Variants in RNF214 observed in about 807,000 individuals in gnomAD.
RNF214 encodes ring finger protein 214.
Under a neutral mutation model 75.9 loss-of-function variants are expected in RNF214, and 25 were observed. The ratio of observed to expected loss-of-function variants is 0.33; its 90% CI spans 0.24 to 0.46. RNF214 has a LOEUF of 0.46. Among genes scored for constraint, RNF214 ranks in the 20% least tolerant of loss-of-function variants. RNF214 has a pLI of 1.00. For missense variants in RNF214, 725 were observed against 857.5 expected, an observed-to-expected ratio of 0.85 and a Z score of 1.93; for synonymous variants, 314 against 308.8, an observed-to-expected ratio of 1.02 and a Z score of -0.18.
At position 117,281,713 on chromosome 11, in the gene RNF214, T is replaced by C. The variant is rs1457642096; in HGVS notation, c.1335+15T>C. 1 of 1,595,044 alleles carries C rather than the reference T, an allele frequency of 6.3e-7. No individual in the cohort carries two copies. Among genetic ancestry groups the C allele is most frequent in the East Asian group, 2.2e-5 (1 of 44,772 alleles). ...CCCCATCAGAGGTAAGAGAGTGGCT[T>C]TGGGGGGAAGTTCACCTTTCTGTGT... On this transcript the variant is annotated intron_variant, in intron 10 of 14. Transcript: ENST00000300650.
At chr11:117,245,919 G>C (rs1193986955) in intron 5 of RNF214, among the ~76,000 whole-genome samples, 1 of 152,120 alleles carries the variant, frequency 6.6e-6, no homozygotes, top group Admixed American at 6.6e-5. Flanking sequence ...ACTCTTATGG[G>C]TGGAAGTGGT....
At chr11:117,282,611 G>T in intron 12 of RNF214, 75 bp downstream of exon 12, 1 of 1,577,172 alleles carries the variant, frequency 6.3e-7, no homozygotes, top group Admixed American at 1.8e-5. Context: ...AAAAATGTGG[G>T]GTGGGAAGAA....
Position 117,285,122 on chromosome 11 carries a change from A to G in RNF214, c.2083A>G (p.Thr695Ala), listed in dbSNP as rs1330382178. 5 of 1,612,884 alleles carry G rather than the reference A, an allele frequency of 3.1e-6. No individual in the cohort carries two copies. Among genetic ancestry groups the G allele is most frequent in the Non-Finnish European group, 4.2e-6 (5 of 1,179,016 alleles). ...KFWAQTNTND[T>A]CPFCPTLK ...CTGGGCCCAGACCAACACAAATGAC[A>G]CTTGTCCCTTTTGTCCAACTCTTAA... Residue 695 changes from threonine (T) to alanine (A), a missense_variant, in exon 15 of 15, where the codon ACT (threonine) becomes GCT (alanine). By Grantham distance (58) the Thr-to-Ala change is moderately conservative (BLOSUM62 0). This residue lies in a region of RNF214 where 363 missense variants were observed against 513.0 expected (regional missense o/e 0.71). Transcript: ENST00000300650.
intron 6 of RNF214, among the ~76,000 whole-genome samples, chr11:117,258,589 C>G (rs2033583139): frequency 6.7e-6 from 1 of 149,112 alleles, no homozygotes; most frequent in African/African-American, 2.5e-5. Context: ...ATATACAAAT[C>G]TTTTTTTTTT....
chr11:117,261,827 G>A (rs1165503348), intron 6 of RNF214, among the ~76,000 whole-genome samples: 1 of 151,664 alleles, frequency 6.6e-6, no homozygotes, highest in Non-Finnish European at 1.5e-5. Flanking sequence ...TGTATTTTTA[G>A]TAGAGACGAG....
intron 3 of RNF214, 194 bp from the exon 4 acceptor site, chr11:117,239,607 T>C: frequency 1.7e-6 from 1 of 577,764 alleles, no homozygotes; most frequent in Non-Finnish European, 3.1e-6. Context: ...TTGGGTTATT[T>C]TGTGGGACCG....
rs1003824576 is a variant in RNF214 at position 117,282,615 on chromosome 11, G to A, written c.1845+79G>A. On this transcript the variant is annotated intron_variant, in intron 12 of 14. Coordinates refer to ENST00000300650, the MANE Select transcript of RNF214 (RefSeq NM_207343.4). Reference sequence around the variant, plus strand: ...GTAGATTTCAGAAAAATGTGGGGTGGGAAGAAGCATTCCAGTCAGAGGTAG... The same window carrying A: ...GTAGATTTCAGAAAAATGTGGGGTGAGAAGAAGCATTCCAGTCAGAGGTAG... 3 of 1,572,406 alleles carry A rather than the reference G, an allele frequency of 1.9e-6. No homozygotes were observed. The African/African-American group carries it at 4.0e-5, about 21-fold the overall frequency.
chr11:117,248,231 A>G (rs1189976335), intron 6 of RNF214, among the ~76,000 whole-genome samples: 1 of 152,002 alleles, frequency 6.6e-6, no homozygotes, highest in African/African-American at 2.4e-5. Flanking sequence ...GCCCGCCACC[A>G]TGCCTGGCTA....
At chr11:117,280,904 A>C (rs1391817407) in intron 8 of RNF214, among the ~76,000 whole-genome samples, 1 of 150,536 alleles carries the variant, frequency 6.6e-6, no homozygotes, top group Non-Finnish European at 1.5e-5. Context: ...CTTCTCCTGC[A>C]CCTGCTCCCA....
chr11:117,275,497 A>G (rs1278603415), intron 6 of RNF214, among the ~76,000 whole-genome samples: 1 of 152,230 alleles, frequency 6.6e-6, no homozygotes, highest in Non-Finnish European at 1.5e-5. Context: ...ATAATAGACC[A>G]TTAGGTAGAT....
chr11:117,259,644 C>T (rs1463881081), intron 6 of RNF214, among the ~76,000 whole-genome samples: 3 of 152,126 alleles, frequency 2.0e-5, no homozygotes, highest in Admixed American at 6.6e-5. Context: ...TGGTTTGAAT[C>T]ATTGTGGTTT....
intron 6 of RNF214, among the ~76,000 whole-genome samples, chr11:117,267,581 T>G (rs1480497686): frequency 1.3e-5 from 2 of 151,898 alleles, no homozygotes; most frequent in African/African-American, 2.4e-5. Flanking sequence ...AAAAGAAAAT[T>G]AGCCGAGAGT....
intron 7 of RNF214, 83 bp downstream of exon 7, chr11:117,280,087 C>T: frequency 6.8e-7 from 1 of 1,480,910 alleles, no homozygotes; most frequent in Non-Finnish European, 9.4e-7. Flanking sequence ...ATAGGAGAGC[C>T]AGTAAGCATT....
chr11:117,266,659 CA>C (rs1170700721), intron 6 of RNF214, among the ~76,000 whole-genome samples: 5 of 152,130 alleles, frequency 3.3e-5, no homozygotes, highest in African/African-American at 1.2e-4. Flanking sequence ...CACACCTGGC[CA>C]AATTTATGAA....
chr11:117,266,693 TA>T (rs1297272111), intron 6 of RNF214, among the ~76,000 whole-genome samples: 3 of 152,014 alleles, frequency 2.0e-5, no homozygotes, highest in Non-Finnish European at 2.9e-5. Context: ...AATTTTCAAA[TA>T]TTTTTTTCTG....
intron 6 of RNF214, among the ~76,000 whole-genome samples, chr11:117,248,526 CAT>C (rs1247707946): frequency 3.3e-5 from 5 of 152,190 alleles, no homozygotes; most frequent in Non-Finnish European, 7.3e-5. Context: ...TTAGCAAGCT[CAT>C]GTGCTGAATC....
At chr11:117,260,638 CTT>C (rs574193849) in intron 6 of RNF214, among the ~76,000 whole-genome samples, 1 of 131,506 alleles carries the variant, frequency 7.6e-6, no homozygotes, top group Admixed American at 7.8e-5. Context: ...GTCTCTATTT[CTT>C]TTTTTTTTTT....
chr11:117,283,290 C>CT (rs978188444), intron 14 of RNF214, 80 bp downstream of exon 14: 57 of 927,302 alleles, frequency 6.1e-5, no homozygotes, highest in East Asian at 2.0e-4. Flanking sequence ...ATTTTCTACT[C>CT]TTTTTTTTCC....
intron 6 of RNF214, among the ~76,000 whole-genome samples, chr11:117,275,746 T>A (rs1442671887): frequency 2.0e-5 from 3 of 152,248 alleles, no homozygotes; most frequent in African/African-American, 7.2e-5. Flanking sequence ...ATCAGTAATT[T>A]AAAAAATCTC....
Sources: allele counts gnomAD v4.1 joint callset (sites outside exome capture counted in the v4.1 genomes callset), GRCh38; gene constraint gnomAD v4.1.1; regional missense constraint gnomAD v4.1.1; transcripts MANE v1.5; gene names NCBI Gene and HGNC (gene_info 2026-07-23, HGNC 2026-07-21).